The following ADGRD1 variants were observed in gnomAD, a reference collection of about 807,000 sequenced individuals.
The protein encoded by ADGRD1 is G-protein coupled receptor 133.
In ADGRD1, 77 loss-of-function variants were observed where a neutral mutation model predicts 113.4. That is an observed-to-expected ratio of 0.68 (90% CI 0.57 to 0.82). The LOEUF (loss-of-function observed/expected upper bound fraction) is 0.82. Among genes scored for constraint, ADGRD1 ranks in the 40% least tolerant of loss-of-function variants. ADGRD1 has a pLI of 0.00. For synonymous variants in ADGRD1, 474 were observed against 475.0 expected, an observed-to-expected ratio of 1.00 and a Z score of 0.03; for missense variants, 1,036 against 1,139.1, an observed-to-expected ratio of 0.91 and a Z score of 1.30.
intron 20 of ADGRD1, 39 bp downstream of exon 20, chr12:131,120,952 G>A (rs1163039913): frequency 1.9e-6 from 3 of 1,573,658 alleles, no homozygotes; most frequent in Non-Finnish European, 2.6e-6. Context: ...GCGGGGCTGG[G>A]GAGGGGCAGG....
At chr12:131,014,889 A>G (rs908739889) in intron 13 of ADGRD1, among the ~76,000 whole-genome samples, 1 of 152,228 alleles carries the variant, frequency 6.6e-6, no homozygotes, top group Non-Finnish European at 1.5e-5. Flanking sequence ...ATGCACTGCC[A>G]TTCTTTAGTA....
intron 15 of ADGRD1, among the ~76,000 whole-genome samples, chr12:131,100,474 G>T (rs1566109554): frequency 6.6e-6 from 1 of 152,004 alleles, no homozygotes; most frequent in East Asian, 1.9e-4. Flanking sequence ...TTGGTTGATG[G>T]TGGAGTTGGT....
intron 15 of ADGRD1, among the ~76,000 whole-genome samples, chr12:131,104,066 C>T (rs1032573704): frequency 4.6e-5 from 7 of 152,332 alleles, no homozygotes; most frequent in South Asian, 2.1e-4. Flanking sequence ...GCCCTGCAGC[C>T]GCTTAATCCC....
At chr12:130,961,660 C>T (rs1319675470) in intron 2 of ADGRD1, among the ~76,000 whole-genome samples, 3 of 152,118 alleles carry the variant, frequency 2.0e-5, no homozygotes, top group Admixed American at 6.5e-5. Flanking sequence ...GCCTTTTTCC[C>T]GAAAGAATGA....
Position 131,108,765 on chromosome 12 carries a change from C to T in ADGRD1, c.1929C>T (p.Phe643=), listed in dbSNP as rs267603381. The T allele has an allele frequency of 1.2e-6, 2 of 1,614,130 alleles. No homozygotes were observed. The highest frequency in any genetic ancestry group is 1.7e-6 in the Non-Finnish European group (2 of 1,180,014). Residue 643 remains phenylalanine (F), a synonymous_variant, in exon 18 of 25, where the codon TTC becomes TTT. Coordinates refer to ENST00000261654, the MANE Select transcript of ADGRD1 (RefSeq NM_198827.5). ...QVMAVLLHYF[F]LSAFAWMLVE... is the part of the protein sequence containing the mutation. The stretch of plus-strand genomic sequence containing the variant: ...TGGCCGTGCTCCTACACTACTTCTT[C>T]CTGAGTGCCTTCGCATGGATGCTGG...
chr12:131,062,653 G>A (rs1884427107), intron 13 of ADGRD1, among the ~76,000 whole-genome samples: 1 of 152,074 alleles, frequency 6.6e-6, no homozygotes, highest in Non-Finnish European at 1.5e-5. Flanking sequence ...CTTACCTGCC[G>A]CCATGTAAGA....
At position 130,982,038 on chromosome 12, in the gene ADGRD1, A is replaced by T; in HGVS notation, c.465A>T (p.Thr155=). The T allele has an allele frequency of 6.2e-7, 1 of 1,613,884 alleles. No homozygotes were observed. Residue 155 remains threonine, a synonymous_variant, in exon 5 of 25, where the codon ACA becomes ACT. Coordinates refer to ENST00000261654, the MANE Select transcript of ADGRD1 (RefSeq NM_198827.5). The stretch of plus-strand genomic sequence containing the variant: ...TGTATACGCGGGACAATTCCATGAC[A>T]TGGGAGGCCTCCTTCAGCCCCCCAG... The part of the protein sequence containing the change: ...VELYTRDNSM[T]WEASFSPPGP...
Position 131,027,700 on chromosome 12 carries a change from G to A in ADGRD1, c.1473+13360G>A, listed in dbSNP as rs1880125705. ...ACAGAGAAACAAATTAGAGCTAGGGGTTCAGGGTTACTCAGACCAAACTTC... is the reference window on the plus strand; with the variant it reads ...ACAGAGAAACAAATTAGAGCTAGGGATTCAGGGTTACTCAGACCAAACTTC... On this transcript the variant is annotated intron_variant, in intron 13 of 24. Coordinates refer to ENST00000261654, the MANE Select transcript of ADGRD1 (RefSeq NM_198827.5). This position sits in a 1 kb window ranked among gnomAD's most constrained non-coding sequence, Gnocchi z 5.1. The A allele has an allele frequency of 6.6e-6, 1 of 152,160 alleles. No individual in the cohort carries two copies. Among genetic ancestry groups the A allele is most frequent in the African/African-American group, 2.4e-5 (1 of 41,434 alleles). 9.4% of individuals were successfully genotyped at this position (152,160 alleles called of 1,614,324 possible).
chr12:130,956,046 C>T lies in ADGRD1; in HGVS notation c.103+1386C>T, dbSNP rs1727379. On this transcript the variant is annotated intron_variant, in intron 2 of 24. Coordinates refer to ENST00000261654, the MANE Select transcript of ADGRD1 (RefSeq NM_198827.5). ...TCGGGTGATCCAACCACCTCGGCCT[C>T]CCAAAGTGTTGGGATTACAGATGTG... is the stretch of plus-strand genomic sequence containing the variant. Among the ~76,000 whole-genome samples the T allele has an allele frequency of 8.7e-3, 1,324 of 152,354 alleles. 14 individuals are homozygous for T. The highest frequency in any genetic ancestry group is 0.031 in the African/African-American group (1,269 of 41,580).
chr12:131,000,411 T>G lies in ADGRD1; in HGVS notation c.995T>G (p.Leu332Arg), dbSNP rs1261412091. The change falls in exon 9 of 25, where the codon CTT (leucine) becomes CGT (arginine). Residue 332 changes from leucine to arginine, a missense_variant. Transcript: ENST00000261654. ...TTCTTAAAAGCCGTGGGAGAGATCC[T>G]TCTACTGCCTGGTTGGATTGCTCTG... is the stretch of plus-strand genomic sequence containing the variant. Reference protein sequence around the residue: ...KTFLKAVGEILLLPGWIALSE... With the variant: ...KTFLKAVGEIRLLPGWIALSE... The G allele has an allele frequency of 6.2e-7, 1 of 1,613,054 alleles. No individual in the cohort carries two copies. The highest frequency in any genetic ancestry group is 1.1e-5 in the South Asian group (1 of 91,030).
intron 13 of ADGRD1, among the ~76,000 whole-genome samples, chr12:131,072,215 G>A (rs1049038871): frequency 2.0e-5 from 3 of 152,012 alleles, no homozygotes; most frequent in Admixed American, 6.6e-5. Flanking sequence ...CTGAGGTTTC[G>A]CAGAGGAGAC....
In ADGRD1 at chr12:131,141,060, GC is replaced by G. The variant is rs1379991147; in HGVS notation, c.*1799del. On this transcript the variant is annotated 3_prime_UTR_variant, in exon 25 of 25. Coordinates refer to ENST00000261654, the MANE Select transcript of ADGRD1 (RefSeq NM_198827.5). The stretch of plus-strand genomic sequence containing the variant: ...GACCACAGTGCCAGATCCTCATCAC[GC>G]CGGTGAGCACCTAGAAGTGAGAACA... The G allele has an allele frequency of 6.6e-6, 1 of 152,260 alleles. No homozygotes were observed. Among genetic ancestry groups the G allele is most frequent in the African/African-American group, 2.4e-5 (1 of 41,468 alleles). 9.4% of individuals were successfully genotyped at this position (152,260 alleles called of 1,614,324 possible).
chr12:130,983,253 G>C (rs1873234937), intron 5 of ADGRD1, among the ~76,000 whole-genome samples: 1 of 152,190 alleles, frequency 6.6e-6, no homozygotes, highest in African/African-American at 2.4e-5. Flanking sequence ...GGCCCAGAAG[G>C]TGTTTGCCTT....
At chr12:131,067,127 AAG>A (rs1884785939) in intron 13 of ADGRD1, among the ~76,000 whole-genome samples, 1 of 152,036 alleles carries the variant, frequency 6.6e-6, no homozygotes, top group East Asian at 1.9e-4. Context: ...CAAAAAGTTG[AAG>A]GACAGAGTGG....
At chr12:130,959,336 C>T (rs1870078682) in intron 2 of ADGRD1, among the ~76,000 whole-genome samples, 1 of 152,182 alleles carries the variant, frequency 6.6e-6, no homozygotes, top group African/African-American at 2.4e-5. Context: ...CTTTGGGAGC[C>T]TGAGCCAGGA....
At chr12:131,034,036 G>A (rs1881105148) in intron 13 of ADGRD1, among the ~76,000 whole-genome samples, 1 of 152,168 alleles carries the variant, frequency 6.6e-6, no homozygotes, top group African/African-American at 2.4e-5. Context: ...TGTCTACCCC[G>A]GAGGCCAGCG....
At chr12:131,090,491 C>T (rs996176257) in intron 15 of ADGRD1, among the ~76,000 whole-genome samples, 1 of 152,180 alleles carries the variant, frequency 6.6e-6, no homozygotes, top group Non-Finnish European at 1.5e-5. Flanking sequence ...CCAGCCTCCT[C>T]CTTGGCGGTT....
intron 12 of ADGRD1, among the ~76,000 whole-genome samples, chr12:131,012,885 C>T (rs539696638): frequency 1.6e-3 from 243 of 152,240 alleles, no homozygotes; most frequent in African/African-American, 5.5e-3. Flanking sequence ...CAGAAGCAGA[C>T]GGCTGGGTGA....
At chr12:131,040,216 T>C (rs930103552) in intron 13 of ADGRD1, among the ~76,000 whole-genome samples, 1 of 152,160 alleles carries the variant, frequency 6.6e-6, no homozygotes, top group Non-Finnish European at 1.5e-5. Context: ...TTGAGGTGTT[T>C]TGTCAACCAG....
Sources: allele counts gnomAD v4.1 joint callset (sites outside exome capture counted in the v4.1 genomes callset), GRCh38; gene constraint gnomAD v4.1.1; non-coding constraint Gnocchi (gnomAD v3.1); transcripts MANE v1.5; gene names NCBI Gene and HGNC (gene_info 2026-07-23, HGNC 2026-07-21).